GRK5: variants seen among roughly 807,000 people sequenced by gnomAD.
GRK5 encodes the protein G protein-coupled receptor kinase 5, also known as g protein-coupled receptor kinase GRK5.
In GRK5, 40 loss-of-function variants were observed where a neutral mutation model predicts 78.4. That is an observed-to-expected ratio of 0.51 (90% CI 0.40 to 0.66). The LOEUF is 0.66. Among genes scored for constraint, GRK5 ranks in the 30% least tolerant of loss-of-function variants. GRK5 has a pLI of 0.00. For missense variants in GRK5, 598 were observed against 759.9 expected (o/e 0.79, Z 2.50); for synonymous variants, 289 against 296.8 (o/e 0.97, Z 0.27).
At chr10:119,418,443 G>A (rs1464241921) in intron 4 of GRK5, among the ~76,000 whole-genome samples, 2 of 152,174 alleles carry the variant, frequency 1.3e-5, no homozygotes, top group Non-Finnish European at 2.9e-5. Context: ...CCAGAGGGGA[G>A]AGATGTCTCC....
chr10:119,354,682 G>A (rs943960011), intron 2 of GRK5, among the ~76,000 whole-genome samples: 5 of 152,150 alleles, frequency 3.3e-5, no homozygotes, highest in African/African-American at 1.2e-4. Context: ...GATTGCAGCT[G>A]CACCCAGCCC....
At chr10:119,288,967 G>T (rs1049256769) in intron 1 of GRK5, among the ~76,000 whole-genome samples, 6 of 152,212 alleles carry the variant, frequency 3.9e-5, no homozygotes, top group African/African-American at 1.4e-4. Context: ...GCCTGCACAA[G>T]AGGGCTGAGT....
rs938169236 is a variant in GRK5 at position 119,445,108 on chromosome 10, G to A, written c.1266+1356G>A. ...ACTCTAACCCCACAGCTGTTGGCCC[G>A]CCATGCAGCTGGGGCCTCAGAGAAA... On this transcript the variant is annotated intron_variant, in intron 12 of 15. Transcript: ENST00000392870. The surrounding 1 kb of genome is among the most constrained non-coding windows in gnomAD (Gnocchi z 4.1). 2.0e-5 allele frequency among the ~76,000 whole-genome samples: 3 copies of A among 152,158 alleles called. No individual in the cohort carries two copies. The highest frequency in any genetic ancestry group is 7.2e-5 in the African/African-American group (3 of 41,424).
chr10:119,237,906 T>A (rs1024242303), intron 1 of GRK5, among the ~76,000 whole-genome samples: 3 of 151,494 alleles, frequency 2.0e-5, no homozygotes, highest in African/African-American at 7.3e-5. Context: ...TAATGGGTTG[T>A]CTGTCTGTCA....
intron 2 of GRK5, among the ~76,000 whole-genome samples, chr10:119,332,697 C>T (rs1462504788): frequency 1.3e-5 from 2 of 152,170 alleles, no homozygotes; most frequent in Non-Finnish European, 2.9e-5. Flanking sequence ...CTGGCCCTCA[C>T]CTTCATCTTG....
rs1166747617 is a variant in GRK5, at chr10:119,453,227, C to T, written c.1625C>T (p.Pro542Leu). The change falls in exon 15 of 16, where the codon CCT becomes CTT. Residue 542 changes from proline (P) to leucine (L), a missense_variant. Coordinates refer to ENST00000392870, the MANE Select transcript of GRK5 (RefSeq NM_005308.3). ...CCGCCAGATCTGAACAGAAACCACCCTCCGGAACCGCCCAAGAAAGGGCTG... is the reference window on the plus strand; with the variant it reads ...CCGCCAGATCTGAACAGAAACCACCTTCCGGAACCGCCCAAGAAAGGGCTG... ...TLPPDLNRNH[P>L]PEPPKKGLLQ... 3.7e-6 allele frequency: 6 copies of T among 1,613,874 alleles called. No individual in the cohort carries two copies. In the South Asian group the frequency reaches 5.5e-5, roughly 15 times the overall value.
At chr10:119,382,466 G>T (rs899464504) in intron 3 of GRK5, among the ~76,000 whole-genome samples, 5 of 152,132 alleles carry the variant, frequency 3.3e-5, no homozygotes, top group Non-Finnish European at 7.3e-5. Flanking sequence ...CGACAGAATA[G>T]TGTAATGAAC....
intron 1 of GRK5, among the ~76,000 whole-genome samples, chr10:119,240,139 TG>T (rs1290549625): frequency 2.0e-5 from 3 of 151,334 alleles, no homozygotes; most frequent in African/African-American, 7.3e-5. Context: ...CCACCAACAG[TG>T]TAAAAGCATT....
chr10:119,315,337 C>G (rs1045427899), intron 1 of GRK5, among the ~76,000 whole-genome samples: 1 of 152,214 alleles, frequency 6.6e-6, no homozygotes, highest in Non-Finnish European at 1.5e-5. Context: ...TGGGATCTCG[C>G]CTTGTTCGGG....
chr10:119,344,868 C>A (rs1851052556), intron 2 of GRK5, among the ~76,000 whole-genome samples: 1 of 79,702 alleles, frequency 1.3e-5, no homozygotes, highest in Non-Finnish European at 2.9e-5. Flanking sequence ...AGCCACAAGA[C>A]CCACCCTTCC....
chr10:119,219,618 A>G (rs902211292), intron 1 of GRK5, among the ~76,000 whole-genome samples: 1 of 152,212 alleles, frequency 6.6e-6, no homozygotes, highest in African/African-American at 2.4e-5. Flanking sequence ...ACGATTCAAC[A>G]TGGTTAAGAA....
chr10:119,396,897 C>A, intron 4 of GRK5, 125 bp downstream of exon 4: 1 of 757,210 alleles, frequency 1.3e-6, no homozygotes, highest in Non-Finnish European at 2.3e-6. Flanking sequence ...TGTTGTTGAC[C>A]TCCTGAGATC....
chr10:119,335,024 G>A (rs1018297972), intron 2 of GRK5: 9 of 151,834 alleles, frequency 5.9e-5, no homozygotes, highest in Admixed American at 2.0e-4. Context: ...TTTAACATGG[G>A]GGAAAAAAAA....
intron 4 of GRK5, among the ~76,000 whole-genome samples, chr10:119,420,438 C>T (rs1852548776): frequency 6.6e-6 from 1 of 151,556 alleles, no homozygotes; most frequent in Non-Finnish European, 1.5e-5. Flanking sequence ...TACAGTACAA[C>T]CGAGAGGCAT....
intron 2 of GRK5, among the ~76,000 whole-genome samples, chr10:119,376,561 CTT>C (rs3064490): frequency 0.19 from 19,622 of 104,506 alleles, 1,685 homozygotes; most frequent in Middle Eastern, 0.25. Flanking sequence ...TCCCTAATGC[CTT>C]TTTTTTTTTT....
chr10:119,358,710 T>G (rs1296357215), intron 2 of GRK5, among the ~76,000 whole-genome samples: 1 of 152,216 alleles, frequency 6.6e-6, no homozygotes, highest in African/African-American at 2.4e-5. Context: ...CCTTGCTCTT[T>G]GGATCATCCA....
intron 4 of GRK5, among the ~76,000 whole-genome samples, chr10:119,404,249 T>C (rs1374489006): frequency 6.6e-6 from 1 of 152,258 alleles, no homozygotes; most frequent in Non-Finnish European, 1.5e-5. Context: ...TTCTGATTCA[T>C]ACTTCCCTAA....
chr10:119,413,458 A>G (rs1009048089), intron 4 of GRK5, among the ~76,000 whole-genome samples: 1 of 151,570 alleles, frequency 6.6e-6, no homozygotes, highest in African/African-American at 2.4e-5. Flanking sequence ...AGCACCTACT[A>G]TGTGCCAGGA....
At position 119,263,425 on chromosome 10, in the gene GRK5, G is replaced by A. The variant is rs115490420; in HGVS notation, c.52+55456G>A. Among the ~76,000 whole-genome samples the A allele has an allele frequency of 5.1e-3, 782 of 152,320 alleles. 6 individuals carry two copies. The highest frequency in any genetic ancestry group is 0.017 in the African/African-American group (725 of 41,564). On this transcript the variant is annotated intron_variant, in intron 1 of 15. Coordinates refer to ENST00000392870, the MANE Select transcript of GRK5 (RefSeq NM_005308.3). ...TAAGCATGGAATCTCACTTGTGTGT[G>A]TGTGCATGTGTAAAACATCTCTTGG...
Sources: gnomAD v4.1 joint callset for allele counts (sites outside exome capture counted in the v4.1 genomes callset) on GRCh38, gnomAD v4.1.1 for gene constraint, Gnocchi (gnomAD v3.1) non-coding constraint, MANE v1.5 for transcripts, NCBI Gene and HGNC (gene_info 2026-07-23, HGNC 2026-07-21) for gene names.